The following QRICH1 variants were observed in gnomAD, a reference collection of about 807,000 sequenced individuals.
QRICH1 encodes transcriptional regulator QRICH1.
A neutral mutation model predicts 87.1 loss-of-function variants in QRICH1; 16 were observed. That is an observed-to-expected ratio of 0.18 (90% confidence interval 0.12 to 0.28). The LOEUF (loss-of-function observed/expected upper bound fraction) is 0.28, where lower values mean the gene tolerates loss of function less well. Among genes scored for constraint, QRICH1 ranks in the 10% least tolerant of loss-of-function variants. QRICH1 has a pLI of 1.00. For synonymous variants in QRICH1, 367 were observed against 368.4 expected (o/e 1.00, Z 0.05); for missense variants, 647 against 951.7 (o/e 0.68, Z 4.21).
chr3:49,062,860 C>T (rs1264626183), intron 2 of QRICH1, among the ~76,000 whole-genome samples: 3 of 151,776 alleles, frequency 2.0e-5, no homozygotes, highest in Non-Finnish European at 4.4e-5. Context: ...ATTAGCCAGG[C>T]GTGGTGACGG....
rs762771801 is a variant in QRICH1, at chr3:49,032,813, C to T, written c.1896-40G>A. 31 of 1,579,682 alleles carry T rather than the reference C, an allele frequency of 2.0e-5. 1 individual carries two copies. Among genetic ancestry groups the T allele is most frequent in the South Asian group, 1.3e-4 (11 of 86,812 alleles). ...AAATGCAAGGCAGAGGGAGGGGTGC[C>T]GGGAGGATACCATGACTCATCCTCT... On this transcript the variant is annotated intron_variant, in intron 7 of 9. Transcript: ENST00000395443.
At chr3:49,056,294 C>G (rs374542015) in intron 3 of QRICH1, among the ~76,000 whole-genome samples, 8 of 152,278 alleles carry the variant, frequency 5.3e-5, no homozygotes, top group African/African-American at 1.9e-4. Flanking sequence ...CACAAAAACT[C>G]TTGGGAGGTC....
In QRICH1 at chr3:49,030,269, A is replaced by G. The variant is rs1198277346; in HGVS notation, c.*183T>C. 1.7e-6 allele frequency: 1 copy of G among 597,586 alleles called. No individual in the cohort carries two copies. The highest frequency in any genetic ancestry group is 1.9e-5 in the African/African-American group (1 of 52,226). The allele number at this position is 597,586 out of a possible 1,614,324, so 37.0% of individuals were successfully genotyped here. ...CACCATCGGCTGAGGAGTCTGCCGC[A>G]GCAGGTTTATGAAGATGCAAAGGGG... On this transcript the variant is annotated 3_prime_UTR_variant, in exon 10 of 10. Transcript: ENST00000395443.
rs1171685612 is a variant in QRICH1 at position 49,057,267 on chromosome 3, G to T, written c.933C>A (p.Ile311=). ...ITSPTGETWT[I]PVYSAQPRGD... The stretch of plus-strand genomic sequence containing the variant: ...CCCGGGGCTGGGCAGAATAAACAGG[G>T]ATGGTCCAGGTTTCTCCTGTAGGGC... Residue 311 remains isoleucine (I), a synonymous_variant, in exon 3 of 10, where the codon ATC becomes ATA. Transcript: ENST00000395443. This position sits in a 1 kb window ranked among gnomAD's most constrained non-coding sequence, Gnocchi z 5.4. The T allele has an allele frequency of 6.2e-7, 1 of 1,614,118 alleles. No homozygotes were observed. Among genetic ancestry groups the T allele is most frequent in the African/African-American group, 1.3e-5 (1 of 74,940 alleles).
chr3:49,077,522 G>C (rs1032159182), intron 1 of QRICH1, among the ~76,000 whole-genome samples: 1 of 152,216 alleles, frequency 6.6e-6, no homozygotes, highest in Non-Finnish European at 1.5e-5. Context: ...ACAAGAGGCA[G>C]AGGATATGTT....
intron 2 of QRICH1, among the ~76,000 whole-genome samples, chr3:49,067,487 G>A (rs890568135): frequency 2.6e-5 from 4 of 151,890 alleles, no homozygotes; most frequent in Non-Finnish European, 5.9e-5. Flanking sequence ...AGAATGGTGT[G>A]ATTCCAGGAG....
intron 3 of QRICH1, among the ~76,000 whole-genome samples, chr3:49,053,728 C>G (rs754400034): frequency 9.9e-5 from 15 of 151,946 alleles, no homozygotes; most frequent in Non-Finnish European, 1.3e-4. Context: ...CCACAGATGG[C>G]GGTTGGTGTG....
intron 6 of QRICH1, among the ~76,000 whole-genome samples, chr3:49,043,848 A>G (rs1294662535): frequency 6.6e-6 from 1 of 152,132 alleles, no homozygotes; most frequent in African/African-American, 2.4e-5. Context: ...AAACAAAACA[A>G]AACAAAAATA....
Position 49,085,915 on chromosome 3 carries a change from T to C in QRICH1, c.-22+7997A>G, listed in dbSNP as rs187933989. Reference sequence around the variant, plus strand: ...AACTTCTAAAAGAGACAAAAGATTCTTAATTAGCTCCAAGTAAAAGACTTA... The same window carrying C: ...AACTTCTAAAAGAGACAAAAGATTCCTAATTAGCTCCAAGTAAAAGACTTA... On this transcript the variant is annotated intron_variant, in intron 1 of 9. Coordinates refer to ENST00000395443, the MANE Select transcript of QRICH1 (RefSeq NM_198880.3). Among the ~76,000 whole-genome samples, 39 of 152,176 alleles carry C rather than the reference T, an allele frequency of 2.6e-4. No homozygotes were observed. The East Asian group carries it at 5.0e-3, about 20-fold the overall frequency.
intron 6 of QRICH1, among the ~76,000 whole-genome samples, chr3:49,036,853 A>T (rs139166193): frequency 6.6e-6 from 1 of 152,160 alleles, no homozygotes; most frequent in African/African-American, 2.4e-5. Context: ...GCCTAAGCTC[A>T]GGAGTTCGAA....
chr3:49,065,425 C>T (rs999748670), intron 2 of QRICH1, among the ~76,000 whole-genome samples: 4 of 152,132 alleles, frequency 2.6e-5, no homozygotes, highest in Non-Finnish European at 4.4e-5. Context: ...GGATTACAGG[C>T]GTAAGCCACT....
chr3:49,056,137 AGC>A (rs1393983555), intron 3 of QRICH1, among the ~76,000 whole-genome samples: 1 of 151,596 alleles, frequency 6.6e-6, no homozygotes, highest in East Asian at 1.9e-4. Context: ...CACCATGCCC[AGC>A]TAATTTTTGT....
At chr3:49,051,615 TG>T (rs2093371477) in intron 3 of QRICH1, among the ~76,000 whole-genome samples, 1 of 102,198 alleles carries the variant, frequency 9.8e-6, no homozygotes, top group East Asian at 3.4e-4. Context: ...ATATACCTAG[TG>T]GGTACTATAC....
intron 3 of QRICH1, among the ~76,000 whole-genome samples, chr3:49,048,571 G>A (rs1213490332): frequency 6.6e-6 from 1 of 150,600 alleles, no homozygotes; most frequent in Admixed American, 6.6e-5. Flanking sequence ...GGTGGATCAC[G>A]AGGTCAAGAG....
In QRICH1 at chr3:49,033,103, G is replaced by T; in HGVS notation, c.1895+17C>A. On this transcript the variant is annotated intron_variant, in intron 7 of 9. Transcript: ENST00000395443. ...TCACTGGACAGATGCCAGCAGTGGA[G>T]CCTCTAGAACACTTACTTGGTATTA... 1 of 1,468,892 alleles carries T rather than the reference G, an allele frequency of 6.8e-7. No homozygotes were observed. The highest frequency in any genetic ancestry group is 9.1e-7 in the Non-Finnish European group (1 of 1,094,234). 91.0% of individuals were successfully genotyped at this position (1,468,892 alleles called of 1,614,324 possible).
At chr3:49,070,261 C>T (rs534568363) in intron 2 of QRICH1, among the ~76,000 whole-genome samples, 3 of 152,058 alleles carry the variant, frequency 2.0e-5, no homozygotes, top group African/African-American at 4.8e-5. Flanking sequence ...TGGTCTCAAA[C>T]TCCTGACCTC....
chr3:49,072,361 C>CA (rs1575367810), intron 2 of QRICH1, among the ~76,000 whole-genome samples: 1 of 151,560 alleles, frequency 6.6e-6, no homozygotes. Context: ...CTGGCTCTAT[C>CA]AAAAATACAA....
intron 3 of QRICH1, among the ~76,000 whole-genome samples, chr3:49,051,934 G>A (rs568507525): frequency 6.6e-6 from 1 of 152,268 alleles, no homozygotes; most frequent in South Asian, 2.1e-4. Flanking sequence ...GGGTGGAGGA[G>A]GCAATAATGC....
intron 2 of QRICH1, among the ~76,000 whole-genome samples, chr3:49,068,199 G>A (rs1297325942): frequency 6.6e-6 from 1 of 151,770 alleles, no homozygotes; most frequent in Non-Finnish European, 1.5e-5. Context: ...TCCACAAAAA[G>A]TAAAAATATT....
Sources: gnomAD v4.1 joint callset for allele counts (sites outside exome capture counted in the v4.1 genomes callset) on GRCh38, gnomAD v4.1.1 for gene constraint, Gnocchi (gnomAD v3.1) non-coding constraint, MANE v1.5 for transcripts, NCBI Gene and HGNC (gene_info 2026-07-23, HGNC 2026-07-21) for gene names.